The following DYNC1H1 variants were observed in gnomAD, a reference collection of about 807,000 sequenced individuals.
DYNC1H1 encodes the protein dynein cytoplasmic 1 heavy chain 1.
Under a neutral mutation model 527.1 loss-of-function variants are expected in DYNC1H1, and 51 were observed. That is an observed-to-expected ratio of 0.10 (90% CI 0.08 to 0.12). The LOEUF (loss-of-function observed/expected upper bound fraction) is 0.12. Among genes scored for constraint, DYNC1H1 ranks in the 10% least tolerant of loss-of-function variants. DYNC1H1 has a pLI of 1.00. For missense variants in DYNC1H1, 2,771 were observed against 5,971.8 expected (o/e 0.46, Z 17.66); for synonymous variants, 2,189 against 2,278.8 (o/e 0.96, Z 1.12).
At position 102,002,557 on chromosome 14, in the gene DYNC1H1, C is replaced by A. The variant is rs199653737; in HGVS notation, c.4563C>A (p.Leu1521=). 6.2e-7 allele frequency: 1 copy of A among 1,614,166 alleles called. No individual in the cohort carries two copies. Among genetic ancestry groups the A allele is most frequent in the East Asian group, 2.2e-5 (1 of 44,890 alleles). The change falls in exon 22 of 78, where the codon CTC becomes CTA. Residue 1521 remains leucine (L), a synonymous_variant. Coordinates refer to ENST00000360184, the MANE Select transcript of DYNC1H1 (RefSeq NM_001376.5). This position sits in a 1 kb window ranked among gnomAD's most constrained non-coding sequence, Gnocchi z 4.4. ...ACCAGGTTTTTGAAGAGGATGCTCT[C>A]AGCTGGGAAGATAAGCTGAACAGGA... ...PYYKVFEEDA[L]SWEDKLNRIM...
At chr14:102,043,548 G>A (rs758180773) in intron 69 of DYNC1H1, 6 of 382,278 alleles carry the variant, frequency 1.6e-5, no homozygotes, top group Non-Finnish European at 2.0e-5. Context: ...AAACTCTTGG[G>A]CGAGAGGAGG....
At position 102,017,438 on chromosome 14, in the gene DYNC1H1, A is replaced by T. The variant is rs2152583031; in HGVS notation, c.8111A>T (p.Glu2704Val). The change falls in exon 40 of 78, where the codon GAG (glutamate) becomes GTG (valine). Residue 2704 changes from glutamate to valine, a missense_variant. Coordinates refer to ENST00000360184, the MANE Select transcript of DYNC1H1 (RefSeq NM_001376.5). This position sits in a 1 kb window ranked among gnomAD's most constrained non-coding sequence, Gnocchi z 4.6. Reference protein sequence around the residue: ...RTSDQTWVKLERIQFVGACNP... With the variant: ...RTSDQTWVKLVRIQFVGACNP... ...TCAGATCAAACATGGGTGAAGCTGG[A>T]GAGAATCCAGTTTGTTGGGGCTTGT... The T allele has an allele frequency of 6.2e-7, 1 of 1,614,200 alleles. No individual in the cohort carries two copies. The highest frequency in any genetic ancestry group is 8.5e-7 in the Non-Finnish European group (1 of 1,180,036).
rs758234041 is a variant in DYNC1H1 at position 102,018,443 on chromosome 14, G to C, written c.8178-8G>C. 8.1e-6 allele frequency: 13 copies of C among 1,612,808 alleles called. No individual in the cohort carries two copies. The Admixed American group carries it at 2.0e-4, about 25-fold the overall frequency. The stretch of plus-strand genomic sequence containing the variant: ...GGAGGGGCGCTGAGCGGGGCTATCT[G>C]TGCACAGGTTCCTGCGCCACGTGCC... On this transcript the variant is annotated splice_region_variant and splice_polypyrimidine_tract_variant and intron_variant, in intron 40 of 77. Transcript: ENST00000360184. This position sits in a 1 kb window ranked among gnomAD's most constrained non-coding sequence, Gnocchi z 5.2.
chr14:101,972,169 A>T (rs1025413252), intron 1 of DYNC1H1, among the ~76,000 whole-genome samples: 1 of 152,124 alleles, frequency 6.6e-6, no homozygotes, highest in South Asian at 2.1e-4. Context: ...CCTCTTTGTT[A>T]TTAAGAATTA....
rs2048255841 is a variant in DYNC1H1, at chr14:102,011,299, C to T, written c.6618+347C>T. The T allele has an allele frequency of 2.6e-6, 1 of 382,420 alleles. No individual in the cohort carries two copies. The highest frequency in any genetic ancestry group is 2.2e-5 in the South Asian group (1 of 46,216). The allele number at this position is 382,420 out of a possible 1,614,324, so 23.7% of individuals were successfully genotyped here. The stretch of plus-strand genomic sequence containing the variant: ...GAATCGCTGATCAATACGTAGTTTA[C>T]ATTCTGTATTGGCTTCTTTCCTTCC... On this transcript the variant is annotated intron_variant, in intron 32 of 77. Transcript: ENST00000360184. The surrounding 1 kb of genome is among the most constrained non-coding windows in gnomAD (Gnocchi z 5.3).
At position 102,039,409 on chromosome 14, in the gene DYNC1H1, C is replaced by T. The variant is rs776752310; in HGVS notation, c.11461-3C>T. 3.7e-6 allele frequency: 6 copies of T among 1,614,254 alleles called. No homozygotes were observed. In the Admixed American group the frequency reaches 8.3e-5, roughly 22 times the overall value. On this transcript the variant is annotated splice_polypyrimidine_tract_variant and splice_region_variant and intron_variant, in intron 60 of 77. Coordinates refer to ENST00000360184, the MANE Select transcript of DYNC1H1 (RefSeq NM_001376.5). This position sits in a 1 kb window ranked among gnomAD's most constrained non-coding sequence, Gnocchi z 7.0. ...CTCACCGCTGCCCACTGCTTCCTTTCAGATACACTTCTTGTACCAGTACTC... is the reference window on the plus strand; with the variant it reads ...CTCACCGCTGCCCACTGCTTCCTTTTAGATACACTTCTTGTACCAGTACTC...
chr14:102,007,211 C>T (rs2048206509), intron 28 of DYNC1H1, 103 bp downstream of exon 28: 1 of 1,293,458 alleles, frequency 7.7e-7, no homozygotes, highest in African/African-American at 1.5e-5. Flanking sequence ...TCTTACAGCT[C>T]AGCGTGGTTT....
At chr14:102,013,903 C>G (rs570964180) in intron 34 of DYNC1H1, among the ~76,000 whole-genome samples, 6 of 152,194 alleles carry the variant, frequency 3.9e-5, no homozygotes, top group Admixed American at 6.5e-5. Context: ...TGCTGATGGA[C>G]TAGATGTGGG....
chr14:102,029,330 A>G lies in DYNC1H1; in HGVS notation c.9469-209A>G. 1 of 610,708 alleles carries G rather than the reference A, an allele frequency of 1.6e-6. No homozygotes were observed. Among genetic ancestry groups the G allele is most frequent in the Non-Finnish European group, 2.9e-6 (1 of 348,794 alleles). The allele number at this position is 610,708 out of a possible 1,614,324, so 37.8% of individuals were successfully genotyped here. A position where few individuals can be genotyped will look rare whatever the true frequency, so the allele number is the denominator to read the frequency against. Reference sequence around the variant, plus strand: ...GGTGTAATCACCATCCTCAGTTTAGAGAAGTTAAAGGGCTTAGAGAGGTTT... The same window carrying G: ...GGTGTAATCACCATCCTCAGTTTAGGGAAGTTAAAGGGCTTAGAGAGGTTT... On this transcript the variant is annotated intron_variant, in intron 48 of 77. Coordinates refer to ENST00000360184, the MANE Select transcript of DYNC1H1 (RefSeq NM_001376.5). The surrounding 1 kb of genome is among the most constrained non-coding windows in gnomAD (Gnocchi z 5.3).
Position 102,017,166 on chromosome 14 carries a change from C to T in DYNC1H1, c.7927C>T (p.Arg2643Cys). The change falls in exon 39 of 78, where the codon CGC becomes TGC. Residue 2643 changes from arginine to cysteine, a missense_variant. Around this residue, in one of 32 missense-constraint regions of DYNC1H1, gnomAD observed 163 missense variants for 346.9 expected, o/e 0.47. Coordinates refer to ENST00000360184, the MANE Select transcript of DYNC1H1 (RefSeq NM_001376.5). This position sits in a 1 kb window ranked among gnomAD's most constrained non-coding sequence, Gnocchi z 4.6. ...TTTTGATCACTACTGCGAGTACAGGCGCACACCTAATGGGGTGGTTTTGGC... is the reference window on the plus strand; with the variant it reads ...TTTTGATCACTACTGCGAGTACAGGTGCACACCTAATGGGGTGGTTTTGGC... ...KTFDHYCEYR[R>C]TPNGVVLAPV... 6.2e-7 allele frequency: 1 copy of T among 1,614,218 alleles called. No individual in the cohort carries two copies. The highest frequency in any genetic ancestry group is 8.5e-7 in the Non-Finnish European group (1 of 1,180,046).
intron 23 of DYNC1H1, 71 bp from the exon 24 acceptor site, chr14:102,004,447 G>T: frequency 1.3e-6 from 2 of 1,506,990 alleles, no homozygotes; most frequent in South Asian, 2.6e-5. Context: ...CCTGCAGTTT[G>T]AAATCTTACC....
At chr14:102,019,706 ATTC>A (rs2048363683) in intron 41 of DYNC1H1, among the ~76,000 whole-genome samples, 184 bp from the exon 42 acceptor site, 2 of 152,160 alleles carry the variant, frequency 1.3e-5, no homozygotes, top group Non-Finnish European at 1.5e-5. Flanking sequence ...GGTTCAAGCG[ATTC>A]TTCTGCCTCA....
chr14:101,973,188 TAG>T (rs2047759375), intron 1 of DYNC1H1, among the ~76,000 whole-genome samples: 1 of 150,640 alleles, frequency 6.6e-6, no homozygotes, highest in African/African-American at 2.5e-5. Flanking sequence ...TGTCTCTCGA[TAG>T]ATACACTAAT....
At chr14:101,982,769 G>A (rs1244215906) in intron 5 of DYNC1H1, among the ~76,000 whole-genome samples, 1 of 142,048 alleles carries the variant, frequency 7.0e-6, no homozygotes. Context: ...AGCAAAGCAT[G>A]GTAAATTCTC....
rs1298518788 is a variant in DYNC1H1, at chr14:102,010,631, G to GC, written c.6406-108dup. On this transcript the variant is annotated intron_variant, in intron 31 of 77. Transcript: ENST00000360184. This position sits in a 1 kb window ranked among gnomAD's most constrained non-coding sequence, Gnocchi z 6.0. ...GAGTGCACGAATGTGGGCGAGTGGT[G>GC]CTCGCACCCTTTGTTCACCAACAGT... 5.9e-6 allele frequency: 9 copies of GC among 1,519,636 alleles called. No homozygotes were observed. Among genetic ancestry groups the GC allele is most frequent in the Non-Finnish European group, 8.1e-6 (9 of 1,108,822 alleles). The allele number at this position is 1,519,636 out of a possible 1,614,324, so 94.1% of individuals were successfully genotyped here.
intron 42 of DYNC1H1, among the ~76,000 whole-genome samples, chr14:102,022,279 G>A (rs940453435): frequency 4.6e-5 from 7 of 151,556 alleles, no homozygotes; most frequent in African/African-American, 7.3e-5. Flanking sequence ...GGCGGATCAC[G>A]AGGTCAGGAG....
chr14:102,017,775 G>A lies in DYNC1H1; in HGVS notation c.8177+271G>A, dbSNP rs2152583277. On this transcript the variant is annotated intron_variant, in intron 40 of 77. Transcript: ENST00000360184. The surrounding 1 kb of genome is among the most constrained non-coding windows in gnomAD (Gnocchi z 4.6). ...AGGTCAGGAGATTGAGACCATCCTG[G>A]CCAACACAGTGAAACCTCGTCTCTA... 1 of 487,864 alleles carries A rather than the reference G, an allele frequency of 2.0e-6. No homozygotes were observed. The highest frequency in any genetic ancestry group is 4.4e-5 in the East Asian group (1 of 22,672). 30.2% of individuals were successfully genotyped at this position (487,864 alleles called of 1,614,324 possible).
Position 101,986,337 on chromosome 14 carries a change from G to A in DYNC1H1, c.2112G>A (p.Arg704=), listed in dbSNP as rs768582247. ...NTQEIFDDWA[R]KVQQRNLGVS... is the part of the protein sequence containing the mutation. Reference sequence around the variant, plus strand: ...AGGAGATCTTTGATGACTGGGCAAGGAAGGTGCAGCAGCGCAACCTCGGTG... The same window carrying A: ...AGGAGATCTTTGATGACTGGGCAAGAAAGGTGCAGCAGCGCAACCTCGGTG... The change falls in exon 8 of 78, where the codon AGG becomes AGA. Residue 704 remains arginine, a synonymous_variant. Coordinates refer to ENST00000360184, the MANE Select transcript of DYNC1H1 (RefSeq NM_001376.5). This position sits in a 1 kb window ranked among gnomAD's most constrained non-coding sequence, Gnocchi z 8.7. The A allele has an allele frequency of 1.2e-6, 2 of 1,613,970 alleles. No homozygotes were observed.
At chr14:101,970,477 T>TG (rs1233501899) in intron 1 of DYNC1H1, among the ~76,000 whole-genome samples, 1 of 116,872 alleles carries the variant, frequency 8.6e-6, no homozygotes, top group Non-Finnish European at 1.7e-5. Flanking sequence ...GTTGTTGTTT[T>TG]TTTTTTTTTT....
Sources: allele counts gnomAD v4.1 joint callset (sites outside exome capture counted in the v4.1 genomes callset), GRCh38; gene constraint gnomAD v4.1.1; regional missense constraint gnomAD v4.1.1; non-coding constraint Gnocchi (gnomAD v3.1); transcripts MANE v1.5; gene names NCBI Gene and HGNC (gene_info 2026-07-23, HGNC 2026-07-21).